NLRP13: variants seen among roughly 807,000 people sequenced by gnomAD.
NLRP13 encodes NACHT, LRR and PYD domains-containing protein 13.
NLRP13 carries 82 observed loss-of-function variants against 94.4 expected under a neutral mutation model. That is an observed-to-expected ratio of 0.87 (90% CI 0.73 to 1.04). The LOEUF (loss-of-function observed/expected upper bound fraction) is 1.04. NLRP13 is among the 50% of genes least tolerant of loss of function. The pLI is 0.00. For synonymous variants in NLRP13, 553 were observed against 464.7 expected, an observed-to-expected ratio of 1.19 and a Z score of -2.45; for missense variants, 1,426 against 1,230.8, an observed-to-expected ratio of 1.16 and a Z score of -2.37.
intron 4 of NLRP13, among the ~76,000 whole-genome samples, chr19:55,913,837 A>G (rs960278038): frequency 3.3e-5 from 5 of 151,864 alleles, no homozygotes; most frequent in Admixed American, 1.3e-4. Context: ...TGCCCACTCC[A>G]TTGCCTGACC....
intron 7 of NLRP13, 125 bp from the exon 8 acceptor site, chr19:55,905,237 A>G: frequency 9.1e-7 from 1 of 1,096,740 alleles, no homozygotes; most frequent in Non-Finnish European, 1.3e-6. Flanking sequence ...AGAAAGAACA[A>G]AAGCTTAAAG....
Position 55,914,144 on chromosome 19 carries a change from C to T in NLRP13, c.524-851G>A, listed in dbSNP as rs115890505. ...TTTGTCTCTCCCATTCTCCCCATTC[C>T]TGGGTTTCTTCCCAAAATGACTACT... On this transcript the variant is annotated intron_variant, in intron 4 of 10. Coordinates refer to ENST00000342929, the MANE Select transcript of NLRP13 (RefSeq NM_176810.2). Among the ~76,000 whole-genome samples the T allele has an allele frequency of 4.4e-3, 677 of 152,300 alleles. 7 individuals are homozygous for T. Among genetic ancestry groups the T allele is most frequent in the African/African-American group, 0.015 (628 of 41,552 alleles).
rs369052597 is a variant in NLRP13 at position 55,932,167 on chromosome 19, G to C, written c.145C>G (p.Gln49Glu). 8 of 1,613,914 alleles carry C rather than the reference G, an allele frequency of 5.0e-6. No homozygotes were observed. The African/African-American group carries it at 8.0e-5, about 16-fold the overall frequency. ...CAGGGGATACGCGGGAAGTGCCCCT[G>C]GGGGGCCGACCAGAAGTCCATCAGC... is the stretch of plus-strand genomic sequence containing the variant. ...QQLMDFWSAP[Q>E]GHFPRIPWAN... is the part of the protein sequence containing the mutation. Residue 49 changes from glutamine (Q) to glutamate (E), a missense_variant, in exon 1 of 11, where the codon CAG becomes GAG. Physicochemically the swap from Gln to Glu is conservative, Grantham distance 29. Coordinates refer to ENST00000342929, the MANE Select transcript of NLRP13 (RefSeq NM_176810.2).
intron 4 of NLRP13, among the ~76,000 whole-genome samples, chr19:55,921,880 G>C (rs1986837219): frequency 6.6e-6 from 1 of 152,206 alleles, no homozygotes; most frequent in African/African-American, 2.4e-5. Context: ...CTTCCCCAGA[G>C]CCTTTCTACT....
chr19:55,898,216 T>TTTG (rs1986068391), intron 10 of NLRP13, among the ~76,000 whole-genome samples: 1 of 149,248 alleles, frequency 6.7e-6, no homozygotes, highest in African/African-American at 2.5e-5. Context: ...GTTTTTGTTT[T>TTTG]TTTTTTTTTT....
intron 4 of NLRP13, among the ~76,000 whole-genome samples, chr19:55,919,814 A>C (rs1361209370): frequency 2.6e-5 from 4 of 152,184 alleles, no homozygotes; most frequent in Non-Finnish European, 4.4e-5. Context: ...CATATTTCAC[A>C]GAATTAGAGA....
intron 9 of NLRP13, among the ~76,000 whole-genome samples, chr19:55,899,520 G>A (rs1466583516): frequency 8.6e-5 from 13 of 151,524 alleles, no homozygotes; most frequent in South Asian, 8.4e-4. Context: ...GGTGGCTCAC[G>A]CCTGTAATCC....
intron 8 of NLRP13, among the ~76,000 whole-genome samples, chr19:55,903,569 C>T (rs1255517930): frequency 1.3e-5 from 2 of 152,074 alleles, no homozygotes; most frequent in Non-Finnish European, 2.9e-5. Context: ...TACAACGGCT[C>T]ACGTAACATC....
At position 55,923,779 on chromosome 19, in the gene NLRP13, T is replaced by A. The variant is rs568563785; in HGVS notation, c.523+135A>T. 3.8e-5 allele frequency: 26 copies of A among 676,988 alleles called. 1 individual carries two copies. In the South Asian group the frequency reaches 4.8e-4, roughly 12 times the overall value. 41.9% of individuals were successfully genotyped at this position (676,988 alleles called of 1,614,324 possible). On this transcript the variant is annotated intron_variant, in intron 4 of 10. Transcript: ENST00000342929. Reference sequence around the variant, plus strand: ...CAACAAATTGTACTGGAAGAACCAGTTGGGAAGAGCTTTTAATTTATTGCA... The same window carrying A: ...CAACAAATTGTACTGGAAGAACCAGATGGGAAGAGCTTTTAATTTATTGCA...
chr19:55,916,191 C>G (rs561505792), intron 4 of NLRP13, among the ~76,000 whole-genome samples: 1 of 152,144 alleles, frequency 6.6e-6, no homozygotes, highest in Non-Finnish European at 1.5e-5. Flanking sequence ...ACTAAACACA[C>G]ATTATAGTCA....
intron 6 of NLRP13, 25 bp from the exon 7 acceptor site, chr19:55,907,981 G>T (rs1986401847): frequency 6.3e-7 from 1 of 1,580,308 alleles, no homozygotes; most frequent in Non-Finnish European, 8.6e-7. Flanking sequence ...GGACATGAAA[G>T]CTGGATTGGG....
chr19:55,930,794 T>C (rs1308707327), intron 1 of NLRP13, among the ~76,000 whole-genome samples: 1 of 149,150 alleles, frequency 6.7e-6, no homozygotes, highest in African/African-American at 2.5e-5. Context: ...TATAAAGTGA[T>C]GTGTGCATTC....
rs998413153 is a variant in NLRP13, at chr19:55,931,231, G to A, written c.319+762C>T. Among the ~76,000 whole-genome samples, 16 of 152,090 alleles carry A rather than the reference G, an allele frequency of 1.1e-4. 1 individual carries two copies. In the East Asian group the frequency reaches 1.5e-3, roughly 15 times the overall value. On this transcript the variant is annotated intron_variant, in intron 1 of 10. Coordinates refer to ENST00000342929, the MANE Select transcript of NLRP13 (RefSeq NM_176810.2). The stretch of plus-strand genomic sequence containing the variant: ...TGAGGTACATGCCTGTGTGCATTGT[G>A]TACAATCCTACATGGCTCTGCTCGG...
chr19:55,930,901 A>ATATATATATATATATATTT (rs1338071833), intron 1 of NLRP13, among the ~76,000 whole-genome samples: 91 of 98,268 alleles, frequency 9.3e-4, no homozygotes, highest in Non-Finnish European at 1.5e-3. Flanking sequence ...TATATATAAA[A>ATATATATATATATATATTT]TTTTAACCAG....
At position 55,911,737 on chromosome 19, in the gene NLRP13, G is replaced by A. The variant is rs939704680; in HGVS notation, c.2080C>T (p.His694Tyr). 6 of 1,609,424 alleles carry A rather than the reference G, an allele frequency of 3.7e-6. No individual in the cohort carries two copies. The Admixed American group carries it at 8.4e-5, about 23-fold the overall frequency. ...LNKLRLSVSS[H>Y]ILERDLEILE... ...ATTTCCAAGTCCCTTTCAAGGATGTGACTGCTAACAGAAAGCCTTAGCTTA... is the reference window on the plus strand; with the variant it reads ...ATTTCCAAGTCCCTTTCAAGGATGTAACTGCTAACAGAAAGCCTTAGCTTA... Residue 694 changes from histidine (H) to tyrosine (Y), a missense_variant, in exon 5 of 11, where the codon CAC becomes TAC. Coordinates refer to ENST00000342929, the MANE Select transcript of NLRP13 (RefSeq NM_176810.2).
rs1408234374 is a variant in NLRP13 at position 55,912,293 on chromosome 19, C to T, written c.1524G>A (p.Leu508=). The T allele has an allele frequency of 6.2e-7, 1 of 1,613,990 alleles. No individual in the cohort carries two copies. Among genetic ancestry groups the T allele is most frequent in the Non-Finnish European group, 8.5e-7 (1 of 1,180,034 alleles). The change falls in exon 5 of 11, where the codon CTG becomes CTA. Residue 508 remains leucine (L), a synonymous_variant. Transcript: ENST00000342929. The part of the protein sequence containing the change: ...FNKEDTEIEG[L]EVPFIDSLYE... ...AGAGAGAATCAATGAAAGGCACTTC[C>T]AGGCCCTCGATCTCAGTGTCTTCTT...
intron 1 of NLRP13, among the ~76,000 whole-genome samples, chr19:55,927,261 T>C (rs1396090939): frequency 6.6e-6 from 1 of 150,580 alleles, no homozygotes; most frequent in Non-Finnish European, 1.5e-5. Flanking sequence ...CCCAGCTATT[T>C]GGGAGGCTGA....
chr19:55,896,206 CTA>C, intron 10 of NLRP13, 87 bp from the exon 11 acceptor site: 1 of 1,447,506 alleles, frequency 6.9e-7, no homozygotes, highest in Admixed American at 1.9e-5. Context: ...AGGAAAAAAA[CTA>C]TTACTAAAGC....
At chr19:55,920,409 C>T (rs1284094769) in intron 4 of NLRP13, among the ~76,000 whole-genome samples, 1 of 151,988 alleles carries the variant, frequency 6.6e-6, no homozygotes, top group African/African-American at 2.4e-5. Flanking sequence ...AAAATATTTG[C>T]AAAGTATACA....
Sources: gnomAD v4.1 joint callset for allele counts (sites outside exome capture counted in the v4.1 genomes callset) on GRCh38, gnomAD v4.1.1 for gene constraint, MANE v1.5 for transcripts, NCBI Gene and HGNC (gene_info 2026-07-23, HGNC 2026-07-21) for gene names.